Variants in LRRIQ3 observed in about 807,000 individuals in gnomAD.
LRRIQ3 encodes leucine-rich repeat and IQ domain-containing protein 3.
In LRRIQ3, 75 loss-of-function variants were observed where a neutral mutation model predicts 59.3. The observed-to-expected ratio is 1.26, with a 90% CI of 1.05 to 1.53. The LOEUF (loss-of-function observed/expected upper bound fraction) is 1.53, where lower values mean the gene tolerates loss of function less well. Ranked by LOEUF, LRRIQ3 falls within the 40% of genes most tolerant of loss-of-function variation. The pLI is 0.00. For missense variants in LRRIQ3, 831 were observed against 710.0 expected, an observed-to-expected ratio of 1.17 and a Z score of -1.94; for synonymous variants, 250 against 231.3, an observed-to-expected ratio of 1.08 and a Z score of -0.73.
chr1:74,090,494 C>G (rs1183586950), intron 5 of LRRIQ3, among the ~76,000 whole-genome samples: 1 of 151,888 alleles, frequency 6.6e-6, no homozygotes, highest in East Asian at 1.9e-4. Flanking sequence ...ACCAGAAATA[C>G]TTAGTAATGA....
rs144549786 is a variant in LRRIQ3 at position 74,115,065 on chromosome 1, G to T, written c.708-5512C>A. ...GATTTATTTTTTATAATGTCTGAAA[G>T]AAAGTAAACTCATAGAATTGAAGCG... On this transcript the variant is annotated intron_variant, in intron 4 of 7. Transcript: ENST00000354431. Among the ~76,000 whole-genome samples the T allele has an allele frequency of 5.0e-3, 761 of 151,884 alleles. 9 individuals are homozygous for T. The highest frequency in any genetic ancestry group is 0.017 in the African/African-American group (720 of 41,470).
At chr1:74,168,461 T>C (rs1649127999) in intron 3 of LRRIQ3, among the ~76,000 whole-genome samples, 1 of 152,078 alleles carries the variant, frequency 6.6e-6, no homozygotes, top group African/African-American at 2.4e-5. Context: ...TATTTTCAAT[T>C]TGCCTATAAC....
chr1:74,138,358 A>G, intron 4 of LRRIQ3: 3 of 316,418 alleles, frequency 9.5e-6, no homozygotes, highest in Non-Finnish European at 1.4e-5. Flanking sequence ...GTCTATTTTC[A>G]GCTATTCCTT....
At chr1:74,177,664 T>C (rs966349781) in intron 3 of LRRIQ3, among the ~76,000 whole-genome samples, 1 of 151,924 alleles carries the variant, frequency 6.6e-6, no homozygotes, top group Non-Finnish European at 1.5e-5. Context: ...TAAGGAATTA[T>C]ATGTTTTACA....
At chr1:74,062,720 C>G (rs1438886350) in intron 6 of LRRIQ3, among the ~76,000 whole-genome samples, 3 of 151,996 alleles carry the variant, frequency 2.0e-5, no homozygotes, top group African/African-American at 7.2e-5. Flanking sequence ...TTATCCTCAG[C>G]AAATTAACAC....
chr1:74,120,433 T>C (rs1254656749), intron 4 of LRRIQ3, among the ~76,000 whole-genome samples: 1 of 152,024 alleles, frequency 6.6e-6, no homozygotes, highest in Non-Finnish European at 1.5e-5. Flanking sequence ...GTTTCTTAAA[T>C]ATTTTCCGGT....
chr1:74,180,751 C>T, intron 3 of LRRIQ3: 1 of 1,550,356 alleles, frequency 6.5e-7, no homozygotes. Context: ...AGTTCCTAAA[C>T]CTCACTATGC....
At chr1:74,069,982 T>C (rs1296838818) in intron 6 of LRRIQ3, among the ~76,000 whole-genome samples, 48 of 152,182 alleles carry the variant, frequency 3.2e-4, no homozygotes, top group Non-Finnish European at 1.2e-4. Flanking sequence ...CGACAGATAC[T>C]GACAAGGTTG....
chr1:74,188,828 T>C (rs1650573208), intron 1 of LRRIQ3, among the ~76,000 whole-genome samples: 1 of 152,154 alleles, frequency 6.6e-6, no homozygotes, highest in Non-Finnish European at 1.5e-5. Flanking sequence ...TAAGTACAAA[T>C]GACAAAGTCT....
intron 4 of LRRIQ3, among the ~76,000 whole-genome samples, chr1:74,122,056 G>A (rs1470193430): frequency 1.3e-5 from 2 of 152,036 alleles, no homozygotes; most frequent in Non-Finnish European, 2.9e-5. Context: ...ATGTGCATGT[G>A]TCTTTATAGC....
intron 5 of LRRIQ3, among the ~76,000 whole-genome samples, chr1:74,104,488 G>A (rs1646581326): frequency 6.6e-6 from 1 of 152,000 alleles, no homozygotes; most frequent in Non-Finnish European, 1.5e-5. Flanking sequence ...ATATTATTCA[G>A]TGCTAAAAAT....
chr1:74,155,519 T>C, intron 4 of LRRIQ3: 1 of 317,236 alleles, frequency 3.2e-6, no homozygotes, highest in South Asian at 8.5e-5. Flanking sequence ...ATATGGTAAG[T>C]TGAAAAGAAA....
intron 6 of LRRIQ3, among the ~76,000 whole-genome samples, chr1:74,049,829 A>G (rs1355624701): frequency 1.3e-5 from 2 of 152,122 alleles, no homozygotes; most frequent in Non-Finnish European, 2.9e-5. Flanking sequence ...TTAAAATAAA[A>G]TCATTTTGAA....
intron 6 of LRRIQ3, among the ~76,000 whole-genome samples, chr1:74,042,639 T>C (rs896270910): frequency 6.6e-6 from 1 of 152,134 alleles, no homozygotes; most frequent in African/African-American, 2.4e-5. Context: ...GTTATTAGTA[T>C]GTCATATTTG....
intron 3 of LRRIQ3, chr1:74,180,815 T>C (rs781350401): frequency 6.5e-7 from 1 of 1,548,000 alleles, no homozygotes; most frequent in Non-Finnish European, 8.7e-7. Flanking sequence ...AAGGAAACAA[T>C]GAGGAATAAA....
Position 74,182,739 on chromosome 1 carries a change from G to A in LRRIQ3, c.372C>T (p.Leu124=), listed in dbSNP as rs550621557. The change falls in exon 3 of 8, where the codon CTC becomes CTT. Residue 124 remains leucine (L), a synonymous_variant. Transcript: ENST00000354431. ...NICVLSACPT[L]IALTMFDCPV... is the part of the protein sequence containing the mutation. ...GACAATCAAACATAGTGAGGGCAATGAGGGTTGGACAGGCAGATAATACAC... is the reference window on the plus strand; with the variant it reads ...GACAATCAAACATAGTGAGGGCAATAAGGGTTGGACAGGCAGATAATACAC... 4 of 1,612,660 alleles carry A rather than the reference G, an allele frequency of 2.5e-6. No individual in the cohort carries two copies. Among genetic ancestry groups the A allele is most frequent in the Admixed American group, 3.3e-5 (2 of 59,958 alleles).
intron 6 of LRRIQ3, among the ~76,000 whole-genome samples, chr1:74,061,020 G>A (rs972165951): frequency 6.6e-6 from 1 of 152,052 alleles, no homozygotes; most frequent in Non-Finnish European, 1.5e-5. Flanking sequence ...CACTTGAGCT[G>A]GCAGGGAAAG....
At chr1:74,101,028 C>G (rs907240060) in intron 5 of LRRIQ3, among the ~76,000 whole-genome samples, 1 of 151,940 alleles carries the variant, frequency 6.6e-6, no homozygotes, top group Admixed American at 6.6e-5. Context: ...AACACCAAAA[C>G]CAATGGCAAC....
intron 6 of LRRIQ3, among the ~76,000 whole-genome samples, chr1:74,071,916 T>G (rs555963916): frequency 6.6e-6 from 1 of 152,172 alleles, no homozygotes; most frequent in East Asian, 1.9e-4. Flanking sequence ...TTTGAAAGTC[T>G]AGGTGAGAAA....
Sources: allele counts gnomAD v4.1 joint callset (sites outside exome capture counted in the v4.1 genomes callset), GRCh38; gene constraint gnomAD v4.1.1; transcripts MANE v1.5; gene names NCBI Gene and HGNC (gene_info 2026-07-23, HGNC 2026-07-21).